CPD: variants seen among roughly 807,000 people sequenced by gnomAD.
CPD encodes the protein carboxypeptidase D.
CPD carries 69 observed loss-of-function variants against 138.3 expected under a neutral mutation model. That is an observed-to-expected ratio of 0.50 (90% CI 0.41 to 0.61). The LOEUF (loss-of-function observed/expected upper bound fraction) is 0.61. Ranked by LOEUF, CPD falls within the 20% of genes least tolerant of loss-of-function variation. The pLI, the probability that CPD is intolerant of heterozygous loss-of-function variation, is 0.00. For synonymous variants in CPD, 651 were observed against 642.1 expected, an observed-to-expected ratio of 1.01 and a Z score of -0.21; for missense variants, 1,432 against 1,733.3, an observed-to-expected ratio of 0.83 and a Z score of 3.09.
intron 1 of CPD, chr17:30,380,305 A>G (rs150549367): frequency 3.0e-4 from 68 of 223,788 alleles, no homozygotes; most frequent in African/African-American, 1.3e-3. Flanking sequence ...GGGACACTGG[A>G]GCCCAAAAAT....
In CPD at chr17:30,449,724, CA is replaced by C; in HGVS notation, c.3050del (p.Lys1017ArgfsTer15). On this transcript the variant is annotated frameshift_variant, in exon 13 of 21. Coordinates refer to ENST00000225719, the MANE Select transcript of CPD (RefSeq NM_001304.5). LOFTEE classifies it high-confidence loss of function. The part of the protein sequence containing the change: ...ALAEFLCLNY[K>X]KNPAVTQLVD... ...TGGCAGAATTTCTCTGCCTGAACTA[CA>C]AAAAGAACCCAGCTGTTACCCAAGT... 1 of 1,572,054 alleles carries C rather than the reference CA, an allele frequency of 6.4e-7. No individual in the cohort carries two copies. Among genetic ancestry groups the C allele is most frequent in the Non-Finnish European group, 8.6e-7 (1 of 1,167,536 alleles).
intron 2 of CPD, among the ~76,000 whole-genome samples, chr17:30,400,085 T>C (rs1279767854): frequency 6.6e-6 from 1 of 152,208 alleles, no homozygotes; most frequent in African/African-American, 2.4e-5. Flanking sequence ...ACAATTCCTG[T>C]CTTTTAGTTG....
At chr17:30,436,471 T>A (rs1180779077) in intron 8 of CPD, among the ~76,000 whole-genome samples, 2 of 152,164 alleles carry the variant, frequency 1.3e-5, no homozygotes, top group Non-Finnish European at 2.9e-5. Context: ...AGGATCTGAA[T>A]GGACATTTCT....
At position 30,465,010 on chromosome 17, in the gene CPD, A is replaced by T. The variant is rs1274378585; in HGVS notation, c.*196A>T. 3.6e-6 allele frequency: 2 copies of T among 555,010 alleles called. No individual in the cohort carries two copies. Among genetic ancestry groups the T allele is most frequent in the Non-Finnish European group, 6.4e-6 (2 of 311,946 alleles). The allele number at this position is 555,010 out of a possible 1,614,324, so 34.4% of individuals were successfully genotyped here. A position where few individuals can be genotyped will look rare whatever the true frequency, so the allele number is the denominator to read the frequency against. ...TTCCTTAAAGTACTCTAAACCTTTA[A>T]AAAAAAATCTGATTTATGCAGCAGA... On this transcript the variant is annotated 3_prime_UTR_variant, in exon 21 of 21. Coordinates refer to ENST00000225719, the MANE Select transcript of CPD (RefSeq NM_001304.5).
intron 2 of CPD, among the ~76,000 whole-genome samples, chr17:30,414,265 C>T (rs1209151449): frequency 6.6e-6 from 1 of 152,198 alleles, no homozygotes; most frequent in Non-Finnish European, 1.5e-5. Context: ...AGGGCAGGAA[C>T]AGGGGAACCT....
At position 30,379,574 on chromosome 17, in the gene CPD, C is replaced by A. The variant is rs748073994; in HGVS notation, c.594C>A (p.Gly198=). The A allele has an allele frequency of 3.0e-5, 45 of 1,518,146 alleles. No individual in the cohort carries two copies. Among genetic ancestry groups the A allele is most frequent in the Non-Finnish European group, 3.8e-5 (43 of 1,145,200 alleles). 94.0% of individuals were successfully genotyped at this position (1,518,146 alleles called of 1,614,324 possible). The change falls in exon 1 of 21, where the codon GGC becomes GGA. Residue 198 remains glycine, a synonymous_variant. Coordinates refer to ENST00000225719, the MANE Select transcript of CPD (RefSeq NM_001304.5). This position sits in a 1 kb window ranked among gnomAD's most constrained non-coding sequence, Gnocchi z 7.0. ...ERAREGDCGF[G]DGGPSGASGR... ...CCCGCGAGGGCGACTGTGGCTTCGG[C>A]GACGGCGGCCCGTCCGGGGCCAGCG...
intron 17 of CPD, 71 bp from the exon 18 acceptor site, chr17:30,461,109 G>A (rs1213015043): frequency 2.5e-6 from 3 of 1,214,740 alleles, no homozygotes; most frequent in Non-Finnish European, 3.4e-6. Context: ...TCCATTTGTT[G>A]TATTACAAAG....
intron 7 of CPD, among the ~76,000 whole-genome samples, chr17:30,429,139 A>G (rs868294517): frequency 6.6e-6 from 1 of 152,232 alleles, no homozygotes; most frequent in Non-Finnish European, 1.5e-5. Context: ...ATTGTTCTCA[A>G]AGAGTCAAAT....
intron 2 of CPD, among the ~76,000 whole-genome samples, chr17:30,413,939 G>A (rs1023173465): frequency 5.9e-5 from 9 of 152,150 alleles, no homozygotes; most frequent in African/African-American, 1.4e-4. Context: ...AAGGTTATCC[G>A]GGGGAAGAGC....
At chr17:30,442,546 C>G (rs765926835) in intron 10 of CPD, 96 bp downstream of exon 10, 1 of 1,149,886 alleles carries the variant, frequency 8.7e-7, no homozygotes, top group East Asian at 2.5e-5. Context: ...GGAATACACT[C>G]TTTAAAATTT....
chr17:30,469,216 T>C lies in CPD; in HGVS notation c.*4402T>C, dbSNP rs912370010. 3 of 152,164 alleles carry C rather than the reference T, an allele frequency of 2.0e-5. No individual in the cohort carries two copies. Among genetic ancestry groups the C allele is most frequent in the African/African-American group, 7.2e-5 (3 of 41,444 alleles). 9.4% of individuals were successfully genotyped at this position (152,164 alleles called of 1,614,324 possible). On this transcript the variant is annotated 3_prime_UTR_variant, in exon 21 of 21. Transcript: ENST00000225719. ...ACTCATAGTCCAGACCAGAGAAATA[T>C]AAATGGAAATAGGTTATATTTCAAT... is the stretch of plus-strand genomic sequence containing the variant.
At chr17:30,390,602 G>A (rs1408528141) in intron 2 of CPD, among the ~76,000 whole-genome samples, 1 of 152,204 alleles carries the variant, frequency 6.6e-6, no homozygotes, top group Admixed American at 6.5e-5. Flanking sequence ...TATATTAGTA[G>A]TGTGGAATCT....
chr17:30,393,268 G>T (rs1026390815), intron 2 of CPD, among the ~76,000 whole-genome samples: 3 of 152,174 alleles, frequency 2.0e-5, no homozygotes, highest in Admixed American at 2.0e-4. Context: ...AGTATGTTTG[G>T]CTGGAAGTAG....
chr17:30,413,125 C>T (rs1460322522), intron 2 of CPD, among the ~76,000 whole-genome samples: 1 of 152,090 alleles, frequency 6.6e-6, no homozygotes, highest in African/African-American at 2.4e-5. Flanking sequence ...TCCCAATAGT[C>T]TTAGTATAAT....
In CPD at chr17:30,414,456, G is replaced by A. The variant is rs542287571; in HGVS notation, c.995-6385G>A. Among the ~76,000 whole-genome samples the A allele has an allele frequency of 6.8e-4, 103 of 152,128 alleles. 1 individual carries two copies. Among genetic ancestry groups the A allele is most frequent in the African/African-American group, 2.3e-3 (96 of 41,508 alleles). ...AAATTAGCTGGGCACGGTGGCGGGC[G>A]CCTGTAGTCCCAGCTACTCGGGAAG... On this transcript the variant is annotated intron_variant, in intron 2 of 20. Coordinates refer to ENST00000225719, the MANE Select transcript of CPD (RefSeq NM_001304.5).
At chr17:30,459,209 A>G (rs368641540) in intron 17 of CPD, among the ~76,000 whole-genome samples, 1 of 39,102 alleles carries the variant, frequency 2.6e-5, no homozygotes, top group Non-Finnish European at 5.5e-5. Flanking sequence ...ATTTATTTTT[A>G]TTTATTATTT....
intron 2 of CPD, among the ~76,000 whole-genome samples, chr17:30,397,204 G>A (rs1911532270): frequency 6.6e-6 from 1 of 151,912 alleles, no homozygotes; most frequent in Admixed American, 6.6e-5. Context: ...AAAAAACTAT[G>A]CCTTTTTGAT....
Position 30,462,461 on chromosome 17 carries a change from C to T in CPD, c.3908C>T (p.Thr1303Ile), listed in dbSNP as rs756428099. The change falls in exon 20 of 21, where the codon ACT becomes ATT. Residue 1303 changes from threonine (T) to isoleucine (I), a missense_variant. By Grantham distance (89) the Thr-to-Ile change is moderately conservative (BLOSUM62 -1). Around this residue, in one of 6 missense-constraint regions of CPD, gnomAD observed 366 missense variants for 518.8 expected, o/e 0.71. Transcript: ENST00000225719. ...IFGLPRELVVTVSGATMSALI... is the reference protein window; with the variant it reads ...IFGLPRELVVIVSGATMSALI... ...GGTTTGCCAAGGGAGCTTGTGGTAA[C>T]TGTATCAGGTAAAGACATTTTGATT... 1.5e-5 allele frequency: 24 copies of T among 1,612,374 alleles called. No individual in the cohort carries two copies. Among genetic ancestry groups the T allele is most frequent in the Non-Finnish European group, 1.9e-5 (22 of 1,178,744 alleles).
chr17:30,385,451 G>A lies in CPD; in HGVS notation c.994+215G>A, dbSNP rs149044469. ...TCACCACTGTTATCTTATCCCAGATGGCTTGCCTCTCCCTCTCTCTTTTTC... is the reference window on the plus strand; with the variant it reads ...TCACCACTGTTATCTTATCCCAGATAGCTTGCCTCTCCCTCTCTCTTTTTC... On this transcript the variant is annotated intron_variant, in intron 2 of 20. Transcript: ENST00000225719. Among the ~76,000 whole-genome samples, 5 of 148,104 alleles carry A rather than the reference G, an allele frequency of 3.4e-5. No individual in the cohort carries two copies. In the East Asian group the frequency reaches 9.7e-4, roughly 29 times the overall value.
Sources: allele counts gnomAD v4.1 joint callset (sites outside exome capture counted in the v4.1 genomes callset), GRCh38; gene constraint gnomAD v4.1.1; regional missense constraint gnomAD v4.1.1; non-coding constraint Gnocchi (gnomAD v3.1); transcripts MANE v1.5; gene names NCBI Gene and HGNC (gene_info 2026-07-23, HGNC 2026-07-21).